RTL4: variants seen among roughly 807,000 people sequenced by gnomAD.
The protein encoded by RTL4 is retrotransposon Gag-like protein 4.
Under a neutral mutation model 5.3 loss-of-function variants are expected in RTL4, and 4 were observed. The observed-to-expected ratio is 0.75, with a 90% CI of 0.37 to 1.72. RTL4 has a LOEUF of 1.72. RTL4 is among the 40% of genes most tolerant of loss of function. The pLI is 0.04. For synonymous variants in RTL4, 98 were observed against 87.3 expected (o/e 1.12, Z -0.68); for missense variants, 260 against 227.1 (o/e 1.14, Z -0.93).
the RTL4 span, among the ~76,000 whole-genome samples, chrX:112,170,471 T>C: frequency 8.9e-6 from 1 of 111,845 alleles, no homozygotes; most frequent in Non-Finnish European, 1.9e-5. Context: ...TTCGCTTCCC[T>C]TGTTAGTTGT....
chrX:112,443,204 C>T, the RTL4 span, among the ~76,000 whole-genome samples: 1 of 111,797 alleles, frequency 8.9e-6, no homozygotes, highest in African/African-American at 3.3e-5. Context: ...CTGTGCCTGG[C>T]TTATTTCACT....
At chrX:112,283,642 C>T in the RTL4 span, among the ~76,000 whole-genome samples, 1 of 111,397 alleles carries the variant, frequency 9.0e-6, no homozygotes, top group African/African-American at 3.3e-5. Flanking sequence ...ACAGCATCTA[C>T]TCCTAACAGC....
At chrX:112,292,673 T>C in the RTL4 span, among the ~76,000 whole-genome samples, 1 of 111,652 alleles carries the variant, frequency 9.0e-6, no homozygotes, top group Non-Finnish European at 1.9e-5. Flanking sequence ...TGGAAAATGC[T>C]AATTTGCATC....
At chrX:112,102,937 G>T in the RTL4 span, among the ~76,000 whole-genome samples, 1 of 111,979 alleles carries the variant, frequency 8.9e-6, no homozygotes, top group South Asian at 3.7e-4. Context: ...AACAACAGAT[G>T]GTGGCAAGGC....
At chrX:112,214,000 C>T in the RTL4 span, among the ~76,000 whole-genome samples, 1 of 111,348 alleles carries the variant, frequency 9.0e-6, no homozygotes, top group Non-Finnish European at 1.9e-5. Context: ...TTTCCCCTTG[C>T]CCTATTTATT....
chrX:112,209,995 A>G, the RTL4 span, among the ~76,000 whole-genome samples: 1 of 111,634 alleles, frequency 9.0e-6, no homozygotes. Context: ...GACACCCCCA[A>G]CACCATTGGA....
At chrX:112,231,016 A>G in the RTL4 span, among the ~76,000 whole-genome samples, 1 of 110,714 alleles carries the variant, frequency 9.0e-6, no homozygotes, top group Non-Finnish European at 1.9e-5. Flanking sequence ...AATCAAAACC[A>G]CAATGAGATA....
the RTL4 span, among the ~76,000 whole-genome samples, chrX:112,270,699 G>A: frequency 9.0e-6 from 1 of 111,113 alleles, no homozygotes; most frequent in Non-Finnish European, 1.9e-5. Flanking sequence ...GAAATGGGTT[G>A]ACAATTAGGA....
chrX:112,450,324 A>ATT (rs1926714200), upstream of RTL4, among the ~76,000 whole-genome samples: 1 of 112,257 alleles, frequency 8.9e-6, no homozygotes, highest in Non-Finnish European at 1.9e-5. Context: ...TTGTTTTTGT[A>ATT]GTTGAAACAC....
the RTL4 span, among the ~76,000 whole-genome samples, chrX:112,337,470 A>G: frequency 9.1e-6 from 1 of 110,425 alleles, no homozygotes; most frequent in Non-Finnish European, 1.9e-5. Flanking sequence ...TTTAGTAGAG[A>G]CAGGGTTTCA....
the RTL4 span, among the ~76,000 whole-genome samples, chrX:112,327,761 G>C: frequency 9.0e-6 from 1 of 111,289 alleles, no homozygotes; most frequent in Non-Finnish European, 1.9e-5. Context: ...AGAGAGAAAG[G>C]TCGGGTTAAC....
the RTL4 span, among the ~76,000 whole-genome samples, chrX:112,326,915 A>G: frequency 4.5e-5 from 5 of 111,505 alleles, no homozygotes; most frequent in South Asian, 3.8e-4. Context: ...TCACACGGCC[A>G]GGTACTCCAA....
At chrX:112,380,213 C>T in the RTL4 span, among the ~76,000 whole-genome samples, 1 of 107,675 alleles carries the variant, frequency 9.3e-6, no homozygotes, top group Non-Finnish European at 1.9e-5. Flanking sequence ...GTGGCACAAA[C>T]TCGACTCACT....
chrX:112,132,432 G>T, the RTL4 span, among the ~76,000 whole-genome samples: 1 of 111,314 alleles, frequency 9.0e-6, no homozygotes, highest in African/African-American at 3.3e-5. Context: ...TAAAAACTAG[G>T]TCCAAACCAG....
the RTL4 span, among the ~76,000 whole-genome samples, chrX:112,154,867 C>A: frequency 9.0e-6 from 1 of 111,601 alleles, no homozygotes; most frequent in Non-Finnish European, 1.9e-5. Flanking sequence ...GAATGTCCTC[C>A]AAAATTCATG....
the RTL4 span, among the ~76,000 whole-genome samples, chrX:112,371,422 AAT>A: frequency 2.7e-5 from 3 of 111,270 alleles, no homozygotes; most frequent in African/African-American, 9.8e-5. Context: ...TAAGAAAACA[AAT>A]AAACTTTGGT....
the RTL4 span, among the ~76,000 whole-genome samples, chrX:112,173,070 T>C: frequency 2.7e-5 from 3 of 109,566 alleles, no homozygotes; most frequent in African/African-American, 1.0e-4. Context: ...AATACCTAAG[T>C]GATAGGTTCA....
the RTL4 span, among the ~76,000 whole-genome samples, chrX:112,310,048 C>T: frequency 9.5e-6 from 1 of 104,928 alleles, no homozygotes; most frequent in African/African-American, 3.5e-5. Flanking sequence ...AAGTGAGATC[C>T]TGTCTTAAAA....
At chrX:112,162,222 A>G in the RTL4 span, among the ~76,000 whole-genome samples, 4 of 111,372 alleles carry the variant, frequency 3.6e-5, no homozygotes, top group Non-Finnish European at 7.5e-5. Flanking sequence ...AGCTATAGGA[A>G]ACATTTGTTT....
Sources: allele counts gnomAD v4.1 joint callset (sites outside exome capture counted in the v4.1 genomes callset), GRCh38; gene constraint gnomAD v4.1.1; transcripts MANE v1.5; gene names NCBI Gene and HGNC (gene_info 2026-07-23, HGNC 2026-07-21).